Variants in AMBN observed in about 807,000 individuals in gnomAD.
AMBN encodes ameloblastin, also known as enamel matrix protein.
In AMBN, 54 loss-of-function variants were observed where a neutral mutation model predicts 48.0. The ratio of observed to expected loss-of-function variants is 1.12; its 90% confidence interval spans 0.90 to 1.41. The LOEUF (loss-of-function observed/expected upper bound fraction) is 1.41, where lower values mean the gene tolerates loss of function less well. Ranked by LOEUF, AMBN falls within the 40% of genes most tolerant of loss-of-function variation. The probability of loss-of-function intolerance (pLI) is 0.00; values close to 1 mark genes in which losing one functional copy is unlikely to be tolerated. For synonymous variants in AMBN, 186 were observed against 190.0 expected, an observed-to-expected ratio of 0.98 and a Z score of 0.17; for missense variants, 571 against 547.3, an observed-to-expected ratio of 1.04 and a Z score of -0.43.
Position 70,606,827 on chromosome 4 carries a change from G to C in AMBN, c.*97G>C, listed in dbSNP as rs145058270. On this transcript the variant is annotated 3_prime_UTR_variant, in exon 13 of 13. Coordinates refer to ENST00000322937, the MANE Select transcript of AMBN (RefSeq NM_016519.6). Reference sequence around the variant, plus strand: ...CTAAAACACTTATTACCCTTCTGCAGCAAAGGCATTAAAAGCGCTAAGCAT... The same window carrying C: ...CTAAAACACTTATTACCCTTCTGCACCAAAGGCATTAAAAGCGCTAAGCAT... 299 of 1,341,878 alleles carry C rather than the reference G, an allele frequency of 2.2e-4. 2 individuals are homozygous for C. In the African/African-American group the frequency reaches 4.0e-3, roughly 18 times the overall value. The allele number at this position is 1,341,878 out of a possible 1,614,324, so 83.1% of individuals were successfully genotyped here. A position where few individuals can be genotyped will look rare whatever the true frequency, so the allele number is the denominator to read the frequency against.
chr4:70,606,342 A>G lies in AMBN; in HGVS notation c.956A>G (p.Glu319Gly), dbSNP rs376165259. 9 of 1,613,922 alleles carry G rather than the reference A, an allele frequency of 5.6e-6. No homozygotes were observed. The highest frequency in any genetic ancestry group is 7.6e-6 in the Non-Finnish European group (9 of 1,179,990). ...PVAATKGPEN[E>G]EGGAQGSPMP... ...GCTGCCACCAAAGGCCCTGAGAACG[A>G]AGAAGGAGGTGCACAAGGCTCCCCT... is the stretch of plus-strand genomic sequence containing the variant. The change falls in exon 13 of 13, where the codon GAA (glutamate) becomes GGA (glycine). Residue 319 changes from glutamate (E) to glycine (G), a missense_variant. Transcript: ENST00000322937.
intron 4 of AMBN, among the ~76,000 whole-genome samples, chr4:70,598,963 A>G (rs534618928): frequency 6.7e-6 from 1 of 148,644 alleles, no homozygotes; most frequent in East Asian, 2.0e-4. Flanking sequence ...TTTAGTAGAG[A>G]CGGGGTTTTG....
rs1238781609 is a variant in AMBN at position 70,606,172 on chromosome 4, T to C, written c.799-13T>C. The C allele has an allele frequency of 6.2e-7, 1 of 1,606,160 alleles. No homozygotes were observed. The highest frequency in any genetic ancestry group is 2.2e-5 in the East Asian group (1 of 44,728). ...GTGATGATGGCATCTTTGACGAATG[T>C]TTTTTTTTCCAGGGCGGGAGAGAAG... On this transcript the variant is annotated splice_polypyrimidine_tract_variant and intron_variant, in intron 12 of 12. Transcript: ENST00000322937.
intron 1 of AMBN, among the ~76,000 whole-genome samples, chr4:70,593,059 G>A (rs146187098): frequency 1.5e-4 from 23 of 152,224 alleles, no homozygotes; most frequent in African/African-American, 4.1e-4. Context: ...AAAGAATATC[G>A]ATGGAGGTTG....
rs1038129626 is a variant in AMBN, at chr4:70,607,018, T to C, written c.*288T>C. 3.1e-5 allele frequency: 10 copies of C among 319,980 alleles called. No individual in the cohort carries two copies. Among genetic ancestry groups the C allele is most frequent in the African/African-American group, 2.1e-4 (10 of 47,614 alleles). 19.8% of individuals were successfully genotyped at this position (319,980 alleles called of 1,614,324 possible). A position where few individuals can be genotyped will look rare whatever the true frequency, so the allele number is the denominator to read the frequency against. Reference sequence around the variant, plus strand: ...CATTTGATCATCACTTTTTCTTAGCTGTCTTAAGCATTATAGAATTTCTCT... The same window carrying C: ...CATTTGATCATCACTTTTTCTTAGCCGTCTTAAGCATTATAGAATTTCTCT... On this transcript the variant is annotated 3_prime_UTR_variant, in exon 13 of 13. Transcript: ENST00000322937.
In AMBN at chr4:70,606,577, C is replaced by T. The variant is rs1438214242; in HGVS notation, c.1191C>T (p.Thr397=). ...CTGAATTAGCTGATGTTTATAGGAC[C>T]TACGATGCTGACATGACCACATCCG... ...MTPELADVYR[T]YDADMTTSVD... Residue 397 remains threonine, a synonymous_variant, in exon 13 of 13, where the codon ACC becomes ACT. Coordinates refer to ENST00000322937, the MANE Select transcript of AMBN (RefSeq NM_016519.6). 6.2e-7 allele frequency: 1 copy of T among 1,614,024 alleles called. No individual in the cohort carries two copies. The highest frequency in any genetic ancestry group is 1.7e-5 in the Admixed American group (1 of 60,002).
Position 70,601,683 on chromosome 4 carries a change from G to C in AMBN, c.531+29G>C, listed in dbSNP as rs1339019035. Reference sequence around the variant, plus strand: ...CTTCCTTTCTCTTGAAGTCAGATCAGAATCACCAGCTAACCTAATAGAAGA... The same window carrying C: ...CTTCCTTTCTCTTGAAGTCAGATCACAATCACCAGCTAACCTAATAGAAGA... On this transcript the variant is annotated intron_variant, in intron 6 of 12. Coordinates refer to ENST00000322937, the MANE Select transcript of AMBN (RefSeq NM_016519.6). 4.4e-6 allele frequency: 7 copies of C among 1,600,818 alleles called. No homozygotes were observed. The Admixed American group carries it at 1.2e-4, about 27-fold the overall frequency.
In AMBN at chr4:70,599,668, G is replaced by A. The variant is rs766493438; in HGVS notation, c.294+22G>A. On this transcript the variant is annotated intron_variant, in intron 5 of 12. Transcript: ENST00000322937. ...ACAGGTGAGTGAATAGCATCAATATGTTTGAAACCTCAGGCTTTAAAACCT... is the reference window on the plus strand; with the variant it reads ...ACAGGTGAGTGAATAGCATCAATATATTTGAAACCTCAGGCTTTAAAACCT... The A allele has an allele frequency of 1.4e-5, 22 of 1,548,006 alleles. No individual in the cohort carries two copies. The African/African-American group carries it at 2.7e-4, about 19-fold the overall frequency.
At chr4:70,599,976 C>G (rs1737481253) in intron 5 of AMBN, among the ~76,000 whole-genome samples, 1 of 152,076 alleles carries the variant, frequency 6.6e-6, no homozygotes. Context: ...TAAATAATTC[C>G]TCAAAGGCTG....
At chr4:70,599,804 G>A (rs776875648) in intron 5 of AMBN, among the ~76,000 whole-genome samples, 158 bp downstream of exon 5, 12 of 152,050 alleles carry the variant, frequency 7.9e-5, no homozygotes, top group Non-Finnish European at 1.5e-4. Context: ...TGCTTTTAGC[G>A]CTTAAGAAAT....
chr4:70,600,814 C>T (rs1006273639), intron 5 of AMBN, among the ~76,000 whole-genome samples: 5 of 152,170 alleles, frequency 3.3e-5, no homozygotes, highest in Non-Finnish European at 5.9e-5. Context: ...AGCATTACCA[C>T]GAGGTCACAT....
At chr4:70,593,494 A>T in intron 2 of AMBN, 99 bp downstream of exon 2, 1 of 1,009,366 alleles carries the variant, frequency 9.9e-7, no homozygotes, top group Non-Finnish European at 1.5e-6. Flanking sequence ...GCATAGACTC[A>T]CTTGATTTAA....
At chr4:70,602,381 C>A (rs1195904794) in intron 6 of AMBN, among the ~76,000 whole-genome samples, 1 of 152,098 alleles carries the variant, frequency 6.6e-6, no homozygotes, top group Admixed American at 6.6e-5. Flanking sequence ...GATAGATGTG[C>A]CTCATCTCCC....
At chr4:70,593,863 TAAAAAAA>T (rs5859239) in intron 2 of AMBN, among the ~76,000 whole-genome samples, 1 of 138,272 alleles carries the variant, frequency 7.2e-6, no homozygotes, top group Non-Finnish European at 1.6e-5. Context: ...AGACTCCATT[TAAAAAAA>T]AAAAAAAAAA....
chr4:70,601,820 G>T, intron 6 of AMBN, 166 bp downstream of exon 6: 1 of 739,874 alleles, frequency 1.4e-6, no homozygotes. Context: ...TGAGTAAAAC[G>T]TAAATATCCA....
rs267600236 is a variant in AMBN, at chr4:70,606,499, G to A, written c.1113G>A (p.Lys371=). 6.2e-7 allele frequency: 1 copy of A among 1,614,030 alleles called. No individual in the cohort carries two copies. The highest frequency in any genetic ancestry group is 1.1e-5 in the South Asian group (1 of 91,068). Residue 371 remains lysine (K), a synonymous_variant, in exon 13 of 13, where the codon AAG becomes AAA. Coordinates refer to ENST00000322937, the MANE Select transcript of AMBN (RefSeq NM_016519.6). ...GCCTGCCAAGGAGCCCTTCAGGGAAGATGAAGGGACTCCCCAGCGTCACCC... is the reference window on the plus strand; with the variant it reads ...GCCTGCCAAGGAGCCCTTCAGGGAAAATGAAGGGACTCCCCAGCGTCACCC... ...IPGLPRSPSG[K]MKGLPSVTPA...
intron 5 of AMBN, 27 bp from the exon 6 acceptor site, chr4:70,601,391 T>C: frequency 6.2e-7 from 1 of 1,609,006 alleles, no homozygotes; most frequent in Non-Finnish European, 8.5e-7. Flanking sequence ...CATCCCTTCC[T>C]AACACTCTTT....
In AMBN at chr4:70,601,558, G is replaced by A. The variant is rs766972765; in HGVS notation, c.435G>A (p.Gln145=). The A allele has an allele frequency of 1.9e-6, 3 of 1,614,164 alleles. No homozygotes were observed. Among genetic ancestry groups the A allele is most frequent in the Non-Finnish European group, 2.5e-6 (3 of 1,180,006 alleles). The change falls in exon 6 of 13, where the codon CAG becomes CAA. Residue 145 remains glutamine, a synonymous_variant. Transcript: ENST00000322937. ...NQATALKEAL[Q]PPIHLGHLPL... ...CCACAGCACTGAAAGAAGCACTTCA[G>A]CCTCCAATTCACCTGGGACATCTGC...
At chr4:70,601,678 G>A (rs201190468) in intron 6 of AMBN, 24 bp downstream of exon 6, 3 of 1,604,692 alleles carry the variant, frequency 1.9e-6, no homozygotes, top group Non-Finnish European at 8.5e-7. Context: ...CTTGAAGTCA[G>A]ATCAGAATCA....
Sources: allele counts gnomAD v4.1 joint callset (sites outside exome capture counted in the v4.1 genomes callset), GRCh38; gene constraint gnomAD v4.1.1; transcripts MANE v1.5; gene names NCBI Gene and HGNC (gene_info 2026-07-23, HGNC 2026-07-21).